The following CFAP221 variants were observed in gnomAD, a reference collection of about 807,000 sequenced individuals.
The protein encoded by CFAP221 is cilia- and flagella-associated protein 221.
In CFAP221, 97 loss-of-function variants were observed where a neutral mutation model predicts 113.1. The observed-to-expected ratio is 0.86, with a 90% CI of 0.73 to 1.02. The LOEUF (loss-of-function observed/expected upper bound fraction) is 1.02, where lower values mean the gene tolerates loss of function less well. CFAP221 is among the 50% of genes least tolerant of loss of function. The probability of loss-of-function intolerance (pLI) is 0.00; values close to 1 mark genes in which losing one functional copy is unlikely to be tolerated. For synonymous variants in CFAP221, 331 were observed against 354.4 expected (o/e 0.93, Z 0.74); for missense variants, 1,025 against 1,013.4 (o/e 1.01, Z -0.16).
intron 20 of CFAP221, 60 bp from the exon 21 acceptor site, chr2:119,639,721 G>A (rs940856201): frequency 1.5e-6 from 2 of 1,344,276 alleles, no homozygotes; most frequent in African/African-American, 1.4e-5. Flanking sequence ...TAAAACAAAA[G>A]TCCTTCAGAA....
At chr2:119,591,360 G>T (rs1056865464) in intron 7 of CFAP221, among the ~76,000 whole-genome samples, 1 of 151,974 alleles carries the variant, frequency 6.6e-6, no homozygotes, top group Admixed American at 6.6e-5. Context: ...GTCAGGAAAA[G>T]CTGGACAGAC....
chr2:119,634,151 C>G (rs1232583424), intron 19 of CFAP221, among the ~76,000 whole-genome samples: 2 of 152,130 alleles, frequency 1.3e-5, no homozygotes, highest in African/African-American at 4.8e-5. Flanking sequence ...TGTGATCCAG[C>G]AATCCCACTT....
At chr2:119,625,169 G>A (rs1342183536) in intron 14 of CFAP221, among the ~76,000 whole-genome samples, 1 of 152,196 alleles carries the variant, frequency 6.6e-6, no homozygotes, top group Non-Finnish European at 1.5e-5. Flanking sequence ...TAGGCAGTTA[G>A]CATTGCCCAT....
Position 119,649,495 on chromosome 2 carries a change from C to T in CFAP221, c.2318+2445C>T, listed in dbSNP as rs151023828. The stretch of plus-strand genomic sequence containing the variant: ...TTAGGTCTAGTTTAGTGAGACAGAA[C>T]GCAAGAACAGTAAGTCAGGCAAAGC... On this transcript the variant is annotated intron_variant, in intron 22 of 23. Coordinates refer to ENST00000413369, the MANE Select transcript of CFAP221 (RefSeq NM_001271049.2). 1.1e-4 allele frequency among the ~76,000 whole-genome samples: 16 copies of T among 152,206 alleles called. No homozygotes were observed. In the East Asian group the frequency reaches 1.2e-3, roughly 11 times the overall value.
At chr2:119,642,134 G>A (rs1245841347) in intron 21 of CFAP221, among the ~76,000 whole-genome samples, 2 of 152,156 alleles carry the variant, frequency 1.3e-5, no homozygotes, top group Non-Finnish European at 2.9e-5. Flanking sequence ...TTCAGCTTAT[G>A]TGCCTGAGTG....
At chr2:119,567,305 C>T (rs955385935) in intron 6 of CFAP221, among the ~76,000 whole-genome samples, 2 of 152,182 alleles carry the variant, frequency 1.3e-5, no homozygotes, top group African/African-American at 4.8e-5. Context: ...CCACTGGCAA[C>T]CACTGTTTAT....
intron 6 of CFAP221, among the ~76,000 whole-genome samples, chr2:119,584,158 CAAT>C (rs1683039481): frequency 6.6e-6 from 1 of 152,062 alleles, no homozygotes; most frequent in South Asian, 2.1e-4. Context: ...TTCTCCAAAA[CAAT>C]GATTGATAAA....
At chr2:119,599,119 C>G (rs1684192642) in intron 7 of CFAP221, among the ~76,000 whole-genome samples, 1 of 152,160 alleles carries the variant, frequency 6.6e-6, no homozygotes. Context: ...GCAGTGGATT[C>G]TAAGGTCACT....
chr2:119,608,945 C>G (rs1369919477), intron 12 of CFAP221, among the ~76,000 whole-genome samples: 1 of 152,174 alleles, frequency 6.6e-6, no homozygotes, highest in African/African-American at 2.4e-5. Flanking sequence ...GTCCCATGAT[C>G]TACAGAGCAT....
At chr2:119,556,306 T>G (rs957374438) in intron 3 of CFAP221, 2 of 152,164 alleles carry the variant, frequency 1.3e-5, no homozygotes, top group Non-Finnish European at 1.5e-5. Context: ...ACTTCAGATC[T>G]TAAGCAGAAG....
chr2:119,579,992 A>G (rs565237124), intron 6 of CFAP221, among the ~76,000 whole-genome samples: 2 of 152,310 alleles, frequency 1.3e-5, no homozygotes, highest in African/African-American at 4.8e-5. Context: ...TGGGCCTTTC[A>G]ACACTTCACA....
At chr2:119,597,017 G>A (rs1684029879) in intron 7 of CFAP221, among the ~76,000 whole-genome samples, 1 of 152,214 alleles carries the variant, frequency 6.6e-6, no homozygotes, top group Non-Finnish European at 1.5e-5. Context: ...AAGAACTCAA[G>A]CGGGTCAAGT....
intron 2 of CFAP221, among the ~76,000 whole-genome samples, chr2:119,547,115 A>G (rs546297291): frequency 1.3e-5 from 2 of 152,350 alleles, no homozygotes; most frequent in East Asian, 3.9e-4. Context: ...AAATGTGAGG[A>G]CATAATAGTG....
intron 14 of CFAP221, among the ~76,000 whole-genome samples, chr2:119,616,979 T>C (rs571829009): frequency 1.3e-5 from 2 of 152,390 alleles, no homozygotes; most frequent in East Asian, 1.9e-4. Flanking sequence ...TGGAGCAGAC[T>C]GCCTGCACTA....
intron 19 of CFAP221, among the ~76,000 whole-genome samples, chr2:119,637,035 C>G (rs1687157976): frequency 6.6e-6 from 1 of 152,168 alleles, no homozygotes; most frequent in African/African-American, 2.4e-5. Flanking sequence ...TGTTGTGTAC[C>G]TTTGCCCTCA....
intron 14 of CFAP221, among the ~76,000 whole-genome samples, chr2:119,621,739 C>G (rs1490107967): frequency 6.6e-6 from 1 of 152,194 alleles, no homozygotes; most frequent in African/African-American, 2.4e-5. Context: ...GAAACTCACT[C>G]AAAACCGCAC....
intron 3 of CFAP221, among the ~76,000 whole-genome samples, chr2:119,557,897 T>C (rs1335325108): frequency 6.8e-6 from 1 of 146,126 alleles, no homozygotes; most frequent in Non-Finnish European, 1.5e-5. Flanking sequence ...AGGCAGAGGC[T>C]GCAGTGAGCG....
At chr2:119,589,594 A>G (rs1395284432) in intron 7 of CFAP221, 1 of 152,248 alleles carries the variant, frequency 6.6e-6, no homozygotes, top group African/African-American at 2.4e-5. Flanking sequence ...ATGAAGCCAT[A>G]TCTTCTCTAG....
chr2:119,594,577 T>C (rs1415211790), intron 7 of CFAP221, among the ~76,000 whole-genome samples: 1 of 152,172 alleles, frequency 6.6e-6, no homozygotes, highest in African/African-American at 2.4e-5. Flanking sequence ...TTTCTTTCTG[T>C]TCCTCTCCTC....
Sources: allele counts gnomAD v4.1 joint callset (sites outside exome capture counted in the v4.1 genomes callset), GRCh38; gene constraint gnomAD v4.1.1; transcripts MANE v1.5; gene names NCBI Gene and HGNC (gene_info 2026-07-23, HGNC 2026-07-21).